CARS1: variants seen among roughly 807,000 people sequenced by gnomAD.
CARS1 encodes the protein cysteine--tRNA ligase, cytoplasmic.
Under a neutral mutation model 106.2 loss-of-function variants are expected in CARS1, and 48 were observed. That is an observed-to-expected ratio of 0.45 (90% CI 0.36 to 0.57). The LOEUF is 0.57. Among genes scored for constraint, CARS1 ranks in the 20% least tolerant of loss-of-function variants. The pLI is 0.00. For missense variants in CARS1, 968 were observed against 1,057.2 expected (o/e 0.92, Z 1.17); for synonymous variants, 409 against 403.4 (o/e 1.01, Z -0.17).
rs537985953 is a variant in CARS1 at position 3,043,916 on chromosome 11, C to T, written c.275-1660G>A. On this transcript the variant is annotated intron_variant, in intron 2 of 22. Coordinates refer to ENST00000380525, the MANE Select transcript of CARS1 (RefSeq NM_001014437.3). The surrounding 1 kb of genome is among the most constrained non-coding windows in gnomAD (Gnocchi z 4.0). ...CCCACTCTAGGTGAGTTCCAGTGGT[C>T]ACAGGTGGTCAGATTCTAAAGCGTA... Among the ~76,000 whole-genome samples, 2 of 152,252 alleles carry T rather than the reference C, an allele frequency of 1.3e-5. No homozygotes were observed. The highest frequency in any genetic ancestry group is 2.1e-4 in the South Asian group (1 of 4,822).
Position 3,000,943 on chromosome 11 carries a change from A to C in CARS1, c.*171T>G. The stretch of plus-strand genomic sequence containing the variant: ...CAGAGAGGGTCTCACTGTTGAGAAA[A>C]ATTTATTATCAATGTCTCAGAGCCA... On this transcript the variant is annotated 3_prime_UTR_variant, in exon 23 of 23. Transcript: ENST00000380525. This position sits in a 1 kb window ranked among gnomAD's most constrained non-coding sequence, Gnocchi z 7.1. 1 of 717,924 alleles carries C rather than the reference A, an allele frequency of 1.4e-6. No homozygotes were observed. Among genetic ancestry groups the C allele is most frequent in the Non-Finnish European group, 2.3e-6 (1 of 436,272 alleles). 44.5% of individuals were successfully genotyped at this position (717,924 alleles called of 1,614,324 possible). A position where few individuals can be genotyped will look rare whatever the true frequency, so the allele number is the denominator to read the frequency against.
At chr11:3,036,311 C>T (rs1410406842) in intron 7 of CARS1, among the ~76,000 whole-genome samples, 1 of 152,214 alleles carries the variant, frequency 6.6e-6, no homozygotes, top group African/African-American at 2.4e-5. Context: ...GTGTTGGGAA[C>T]CCCCGACAGT....
chr11:3,007,036 G>T, intron 18 of CARS1, 77 bp from the exon 19 acceptor site: 1 of 1,197,446 alleles, frequency 8.4e-7, no homozygotes, highest in Non-Finnish European at 1.2e-6. Flanking sequence ...TCCAGTGCTG[G>T]GGAAGGAGGG....
chr11:3,028,108 C>T lies in CARS1; in HGVS notation c.1031+888G>A, dbSNP rs1852299937. ...GAAAGTACTAAAAGTCTCTGATATG[C>T]AGAAATAATGGCGTAAGCTGCCTCT... On this transcript the variant is annotated intron_variant, in intron 9 of 22. Transcript: ENST00000380525. The surrounding 1 kb of genome is among the most constrained non-coding windows in gnomAD (Gnocchi z 4.4). 3.4e-6 allele frequency: 1 copy of T among 295,576 alleles called. No homozygotes were observed. The allele number at this position is 295,576 out of a possible 1,614,324, so 18.3% of individuals were successfully genotyped here.
At chr11:3,023,087 A>C (rs1048064097) in intron 10 of CARS1, among the ~76,000 whole-genome samples, 4 of 152,182 alleles carry the variant, frequency 2.6e-5, no homozygotes, top group African/African-American at 9.7e-5. Flanking sequence ...ATTCTGGAAG[A>C]AAATGGGCCC....
chr11:3,038,239 T>C lies in CARS1; in HGVS notation c.652-40A>G, dbSNP rs373953676. 42 of 1,579,302 alleles carry C rather than the reference T, an allele frequency of 2.7e-5. No homozygotes were observed. Among genetic ancestry groups the C allele is most frequent in the Middle Eastern group, 1.7e-4 (1 of 5,988 alleles). ...AGACGTCAAATCTATTAGATACTGC[T>C]CAGCAAAACCTAAATTCATAAAGGT... On this transcript the variant is annotated intron_variant, in intron 6 of 22. Coordinates refer to ENST00000380525, the MANE Select transcript of CARS1 (RefSeq NM_001014437.3). The surrounding 1 kb of genome is among the most constrained non-coding windows in gnomAD (Gnocchi z 4.0).
In CARS1 at chr11:3,022,533, G is replaced by C. The variant is rs930200450; in HGVS notation, c.1154-2201C>G. ...CCCTGGTATCCCGGTATACTGACTC[G>C]CTGTGCATTGGGCAACAGACCTATT... On this transcript the variant is annotated intron_variant, in intron 10 of 22. Transcript: ENST00000380525. The surrounding 1 kb of genome is among the most constrained non-coding windows in gnomAD (Gnocchi z 4.9). Among the ~76,000 whole-genome samples, 1 of 152,146 alleles carries C rather than the reference G, an allele frequency of 6.6e-6. No homozygotes were observed. The highest frequency in any genetic ancestry group is 1.5e-5 in the Non-Finnish European group (1 of 68,024).
In CARS1 at chr11:3,021,512, G is replaced by C. The variant is rs1274661194; in HGVS notation, c.1154-1180C>G. The stretch of plus-strand genomic sequence containing the variant: ...GAGCCTAATCAGGCAACAGACCTAA[G>C]CTGCCCTGAGAAACAGAGTCCAGAG... On this transcript the variant is annotated intron_variant, in intron 10 of 22. Coordinates refer to ENST00000380525, the MANE Select transcript of CARS1 (RefSeq NM_001014437.3). The surrounding 1 kb of genome is among the most constrained non-coding windows in gnomAD (Gnocchi z 5.3). 6.6e-6 allele frequency among the ~76,000 whole-genome samples: 1 copy of C among 152,168 alleles called. No homozygotes were observed. Among genetic ancestry groups the C allele is most frequent in the Non-Finnish European group, 1.5e-5 (1 of 68,036 alleles).
Position 3,042,210 on chromosome 11 carries a change from G to A in CARS1, c.321C>T (p.Thr107=). The A allele has an allele frequency of 1.1e-5, 18 of 1,613,800 alleles. No homozygotes were observed. The highest frequency in any genetic ancestry group is 1.5e-5 in the Non-Finnish European group (18 of 1,180,016). The change falls in exon 3 of 23, where the codon ACC becomes ACT. Residue 107 remains threonine, a synonymous_variant. Transcript: ENST00000380525. The stretch of plus-strand genomic sequence containing the variant: ...TGTAAAGGTGGAGTCTGCATGGCTG[G>A]GTCCCAGCAGGAGGGGACCACTGGG... ...VQPQWSPPAG[T]QPCRLHLYNS... is the part of the protein sequence containing the mutation.
chr11:3,051,382 G>A (rs978829837), intron 1 of CARS1, among the ~76,000 whole-genome samples: 9 of 152,278 alleles, frequency 5.9e-5, no homozygotes, highest in Middle Eastern at 3.4e-3. Flanking sequence ...TGACACTGCC[G>A]GGGCTTCCCT....
At position 3,048,875 on chromosome 11, in the gene CARS1, A is replaced by C. The variant is rs886119620; in HGVS notation, c.26-874T>G. 6.6e-6 allele frequency among the ~76,000 whole-genome samples: 1 copy of C among 152,184 alleles called. No homozygotes were observed. Among genetic ancestry groups the C allele is most frequent in the African/African-American group, 2.4e-5 (1 of 41,442 alleles). On this transcript the variant is annotated intron_variant, in intron 1 of 22. Transcript: ENST00000380525. This position sits in a 1 kb window ranked among gnomAD's most constrained non-coding sequence, Gnocchi z 5.1. ...CAGCCTCCCTCCTTAGAGCCTTCAA[A>C]GCAGTAAGCGTGCACCTCCACCACT... is the stretch of plus-strand genomic sequence containing the variant.
chr11:3,015,559 G>A (rs892648798), intron 17 of CARS1, among the ~76,000 whole-genome samples: 1 of 152,220 alleles, frequency 6.6e-6, no homozygotes, highest in Admixed American at 6.5e-5. Context: ...ATGGCAAAGT[G>A]CCCCAAACCA....
rs1375885974 is a variant in CARS1 at position 3,044,732 on chromosome 11, C to T, written c.275-2476G>A. ...TCTTTGGAAAAAATGAACACACATT[C>T]GTTGATTCCAGAGTCCCACCCTGAC... On this transcript the variant is annotated intron_variant, in intron 2 of 22. Transcript: ENST00000380525. The surrounding 1 kb of genome is among the most constrained non-coding windows in gnomAD (Gnocchi z 4.4). Among the ~76,000 whole-genome samples the T allele has an allele frequency of 1.3e-5, 2 of 152,096 alleles. No homozygotes were observed. Among genetic ancestry groups the T allele is most frequent in the Non-Finnish European group, 1.5e-5 (1 of 68,034 alleles).
In CARS1 at chr11:3,050,199, G is replaced by T. The variant is rs117504121; in HGVS notation, c.26-2198C>A. On this transcript the variant is annotated intron_variant, in intron 1 of 22. Transcript: ENST00000380525. This position sits in a 1 kb window ranked among gnomAD's most constrained non-coding sequence, Gnocchi z 6.3. ...CCTGAAGTCTCAACATGGATGCAGG[G>T]CTTAAAATGGCTTCCTGGGATGACT... 0.02 allele frequency among the ~76,000 whole-genome samples: 3,118 copies of T among 152,282 alleles called. 53 individuals carry two copies. The highest frequency in any genetic ancestry group is 0.035 in the Non-Finnish European group (2,352 of 68,026).
rs529175616 is a variant in CARS1, at chr11:3,001,045, G to A, written c.*69C>T. 6.4e-6 allele frequency: 10 copies of A among 1,555,468 alleles called. No homozygotes were observed. The Admixed American group carries it at 6.7e-5, about 10-fold the overall frequency. On this transcript the variant is annotated 3_prime_UTR_variant, in exon 23 of 23. Transcript: ENST00000380525. ...GACTGTAAACATGATAGGAGCGCTG[G>A]GACATTGTCACTGAGGCAGACAGCA... is the stretch of plus-strand genomic sequence containing the variant.
At chr11:3,015,456 T>C (rs895721832) in intron 17 of CARS1, among the ~76,000 whole-genome samples, 1 of 152,244 alleles carries the variant, frequency 6.6e-6, no homozygotes, top group African/African-American at 2.4e-5. Context: ...GACGAAGTCA[T>C]GTGTGTTCAT....
At chr11:3,001,838 G>T (rs774744580) in intron 22 of CARS1, 132 bp downstream of exon 22, 4 of 775,914 alleles carry the variant, frequency 5.2e-6, no homozygotes, top group Non-Finnish European at 6.8e-6. Context: ...GACCTAAAGC[G>T]GGTGTCAGAT....
intron 17 of CARS1, among the ~76,000 whole-genome samples, chr11:3,012,999 C>T (rs1266658949): frequency 6.6e-6 from 1 of 150,986 alleles, no homozygotes; most frequent in Admixed American, 6.6e-5. Context: ...AAGCGATTCA[C>T]CTGCCTCAGC....
Position 3,017,085 on chromosome 11 carries a change from C to G in CARS1, c.1917+21G>C, listed in dbSNP as rs1851094454. 1 of 1,602,720 alleles carries G rather than the reference C, an allele frequency of 6.2e-7. No individual in the cohort carries two copies. Among genetic ancestry groups the G allele is most frequent in the Non-Finnish European group, 8.5e-7 (1 of 1,171,262 alleles). ...GTGTCCACACAGGCTGAGGGATACG[C>G]CTGCCTGGGGCCTGGCTTACCTTCA... On this transcript the variant is annotated intron_variant, in intron 16 of 22. Coordinates refer to ENST00000380525, the MANE Select transcript of CARS1 (RefSeq NM_001014437.3). The surrounding 1 kb of genome is among the most constrained non-coding windows in gnomAD (Gnocchi z 4.9).
Sources: gnomAD v4.1 joint callset for allele counts (sites outside exome capture counted in the v4.1 genomes callset) on GRCh38, gnomAD v4.1.1 for gene constraint, Gnocchi (gnomAD v3.1) non-coding constraint, MANE v1.5 for transcripts, NCBI Gene and HGNC (gene_info 2026-07-23, HGNC 2026-07-21) for gene names.